CCSER1: variants seen among roughly 807,000 people sequenced by gnomAD.
The protein encoded by CCSER1 is coiled-coil serine rich protein 1.
Under a neutral mutation model 82.0 loss-of-function variants are expected in CCSER1, and 41 were observed. The ratio of observed to expected loss-of-function variants is 0.50; its 90% CI spans 0.39 to 0.65. The LOEUF is 0.65. Ranked by LOEUF, CCSER1 falls within the 30% of genes least tolerant of loss-of-function variation. CCSER1 has a pLI of 0.00. For missense variants in CCSER1, 1,119 were observed against 1,064.2 expected, an observed-to-expected ratio of 1.05 and a Z score of -0.72; for synonymous variants, 414 against 383.9, an observed-to-expected ratio of 1.08 and a Z score of -0.92.
chr4:91,157,706 A>G (rs992109695), intron 10 of CCSER1, among the ~76,000 whole-genome samples: 22 of 152,082 alleles, frequency 1.4e-4, no homozygotes, highest in African/African-American at 5.1e-4. Context: ...TGTAAGTTTT[A>G]TTGCAAATGA....
chr4:91,174,063 T>C (rs939374320), intron 10 of CCSER1, among the ~76,000 whole-genome samples: 8 of 152,294 alleles, frequency 5.3e-5, no homozygotes, highest in African/African-American at 1.9e-4. Context: ...GACAAATATA[T>C]TTCCCATTAA....
At chr4:91,483,683 G>A (rs1035143400) in intron 10 of CCSER1, among the ~76,000 whole-genome samples, 7 of 152,056 alleles carry the variant, frequency 4.6e-5, no homozygotes, top group Admixed American at 1.3e-4. Context: ...TGACCCACCC[G>A]CCTCGGCCTC....
At position 90,789,007 on chromosome 4, in the gene CCSER1, T is replaced by TACAC. The variant is rs57954085; in HGVS notation, c.2011-26738_2011-26735dup. Among the ~76,000 whole-genome samples the TACAC allele has an allele frequency of 2.3e-3, 342 of 149,492 alleles. 2 individuals carry two copies. The highest frequency in any genetic ancestry group is 0.011 in the East Asian group (56 of 5,106). ...TGATTAAGCTTTTCTATCTAACACA[T>TACAC]ACACACACACACACACACACCATCT... is the stretch of plus-strand genomic sequence containing the variant. On this transcript the variant is annotated intron_variant, in intron 7 of 10. Coordinates refer to ENST00000509176, the MANE Select transcript of CCSER1 (RefSeq NM_001145065.2).
At chr4:90,747,453 G>T (rs1747683755) in intron 7 of CCSER1, among the ~76,000 whole-genome samples, 1 of 152,004 alleles carries the variant, frequency 6.6e-6, no homozygotes, top group Non-Finnish European at 1.5e-5. Context: ...TGCCTGGAGG[G>T]GATAAACTGC....
intron 1 of CCSER1, 52 bp from the exon 2 acceptor site, chr4:90,308,192 T>C: frequency 7.8e-7 from 1 of 1,274,506 alleles, no homozygotes; most frequent in Non-Finnish European, 1.0e-6. Context: ...TAAAATGTAT[T>C]ATTTGTAGTT....
intron 4 of CCSER1, among the ~76,000 whole-genome samples, chr4:90,406,546 T>G (rs1467446769): frequency 6.6e-6 from 1 of 152,168 alleles, no homozygotes; most frequent in East Asian, 1.9e-4. Context: ...ACCCAACAAC[T>G]GCAGAATATA....
intron 8 of CCSER1, among the ~76,000 whole-genome samples, chr4:90,874,403 T>C (rs1342178490): frequency 1.3e-5 from 2 of 151,220 alleles, no homozygotes; most frequent in African/African-American, 2.4e-5. Flanking sequence ...AAATTTGTTA[T>C]GTCTTTCAAC....
intron 7 of CCSER1, among the ~76,000 whole-genome samples, chr4:90,792,610 C>G (rs1465260690): frequency 6.6e-6 from 1 of 152,162 alleles, no homozygotes; most frequent in Non-Finnish European, 1.5e-5. Context: ...GATGATGTGA[C>G]AGAATACATG....
At chr4:90,698,220 G>A (rs1737343548) in intron 6 of CCSER1, among the ~76,000 whole-genome samples, 1 of 152,164 alleles carries the variant, frequency 6.6e-6, no homozygotes, top group Non-Finnish European at 1.5e-5. Context: ...AATTAAAAGA[G>A]AAGTTGTTCT....
chr4:91,225,306 T>C (rs1279506017), intron 10 of CCSER1, among the ~76,000 whole-genome samples: 1 of 128,556 alleles, frequency 7.8e-6, no homozygotes, highest in Non-Finnish European at 1.6e-5. Context: ...GTATATATAT[T>C]ATATATGTAA....
intron 10 of CCSER1, among the ~76,000 whole-genome samples, chr4:91,310,780 C>T (rs1745413641): frequency 6.6e-6 from 1 of 151,738 alleles, no homozygotes; most frequent in East Asian, 2.0e-4. Context: ...AAATCTGTGG[C>T]CCAGGACAGC....
chr4:90,639,340 A>G (rs1221336190), intron 6 of CCSER1, among the ~76,000 whole-genome samples: 2 of 147,098 alleles, frequency 1.4e-5, no homozygotes, highest in Non-Finnish European at 3.1e-5. Flanking sequence ...ATAATTTTTA[A>G]TAAAAGCCAT....
chr4:90,147,510 T>G (rs1201930242), intron 1 of CCSER1, among the ~76,000 whole-genome samples: 1 of 152,176 alleles, frequency 6.6e-6, no homozygotes, highest in African/African-American at 2.4e-5. Context: ...CATGTTCAAG[T>G]ACCTTACAGG....
intron 5 of CCSER1, among the ~76,000 whole-genome samples, chr4:90,483,440 G>A (rs1766430798): frequency 6.6e-6 from 1 of 152,154 alleles, no homozygotes; most frequent in African/African-American, 2.4e-5. Flanking sequence ...TGTTTTGCTT[G>A]TTAGTTGATG....
chr4:91,434,417 G>GT (rs1363197414), intron 10 of CCSER1, among the ~76,000 whole-genome samples: 5 of 151,958 alleles, frequency 3.3e-5, no homozygotes, highest in Non-Finnish European at 7.4e-5. Context: ...ATACTTTGTT[G>GT]TTTTTTTAAA....
At position 91,570,900 on chromosome 4, in the gene CCSER1, T is replaced by C. The variant is rs1039832945; in HGVS notation, c.2218-27672T>C. Among the ~76,000 whole-genome samples the C allele has an allele frequency of 1.8e-4, 27 of 152,284 alleles. 1 individual carries two copies. Among genetic ancestry groups the C allele is most frequent in the South Asian group, 1.0e-3 (5 of 4,826 alleles). On this transcript the variant is annotated intron_variant, in intron 10 of 10. Transcript: ENST00000509176. The stretch of plus-strand genomic sequence containing the variant: ...TTTTCTATTGCATCATCAGGCTGCA[T>C]ATTTTCCAAACTTTTATGCTTCCTC...
At chr4:91,144,017 T>C (rs187533768) in intron 10 of CCSER1, among the ~76,000 whole-genome samples, 230 of 152,090 alleles carry the variant, frequency 1.5e-3, no homozygotes, top group Non-Finnish European at 2.5e-3. Context: ...AGTCCCTCCT[T>C]TTTGGTTTTT....
intron 8 of CCSER1, among the ~76,000 whole-genome samples, chr4:90,882,857 A>T (rs555862450): frequency 3.9e-5 from 6 of 152,114 alleles, no homozygotes; most frequent in Non-Finnish European, 8.8e-5. Context: ...AAATCTAGTG[A>T]TGAATTAAAA....
chr4:90,895,753 T>TTA lies in CCSER1; in HGVS notation c.2095-27607_2095-27606dup, dbSNP rs545149888. On this transcript the variant is annotated intron_variant, in intron 8 of 10. Coordinates refer to ENST00000509176, the MANE Select transcript of CCSER1 (RefSeq NM_001145065.2). The stretch of plus-strand genomic sequence containing the variant: ...ATCTTTGAACAGAAAGTTGTATATA[T>TTA]TATATATATATTTCTCCCCTGGGGC... Among the ~76,000 whole-genome samples the TTA allele has an allele frequency of 3.8e-3, 572 of 151,896 alleles. 5 individuals are homozygous for TTA. The highest frequency in any genetic ancestry group is 0.013 in the African/African-American group (551 of 41,500).
Sources: allele counts gnomAD v4.1 joint callset (sites outside exome capture counted in the v4.1 genomes callset), GRCh38; gene constraint gnomAD v4.1.1; transcripts MANE v1.5; gene names NCBI Gene and HGNC (gene_info 2026-07-23, HGNC 2026-07-21).